The following ACTN2 variants were observed in gnomAD, a reference collection of about 807,000 sequenced individuals.
ACTN2 encodes actinin alpha 2.
ACTN2 carries 39 observed loss-of-function variants against 113.8 expected under a neutral mutation model. The ratio of observed to expected loss-of-function variants is 0.34; its 90% CI spans 0.27 to 0.45. The LOEUF is 0.45. Ranked by LOEUF, ACTN2 falls within the 20% of genes least tolerant of loss-of-function variation. The probability of loss-of-function intolerance (pLI) is 1.00; values close to 1 mark genes in which losing one functional copy is unlikely to be tolerated. For missense variants in ACTN2, 992 were observed against 1,177.9 expected, an observed-to-expected ratio of 0.84 and a Z score of 2.31; for synonymous variants, 429 against 444.1, an observed-to-expected ratio of 0.97 and a Z score of 0.43.
Position 236,731,344 on chromosome 1 carries a change from C to T in ACTN2, c.697+30C>T, listed in dbSNP as rs762058124. The T allele has an allele frequency of 3.8e-6, 6 of 1,583,430 alleles. No homozygotes were observed. In the South Asian group the frequency reaches 6.6e-5, roughly 18 times the overall value. ...GATGAAAATTGTGTTTGCTGAGTTA[C>T]AGGAAATTTGAAGACTACAAATGTT... On this transcript the variant is annotated intron_variant, in intron 7 of 20. Transcript: ENST00000366578.
intron 1 of ACTN2, among the ~76,000 whole-genome samples, chr1:236,715,274 A>T (rs1221153085): frequency 6.6e-6 from 1 of 150,546 alleles, no homozygotes; most frequent in Non-Finnish European, 1.5e-5. Context: ...GTCATTTAAC[A>T]TTAGGTATCT....
At position 236,715,294 on chromosome 1, in the gene ACTN2, C is replaced by A. The variant is rs12040610; in HGVS notation, c.127-2564C>A. Among the ~76,000 whole-genome samples the A allele has an allele frequency of 6.8e-5, 9 of 132,118 alleles. No homozygotes were observed. The East Asian group carries it at 1.6e-3, about 24-fold the overall frequency. 86.7% of individuals were successfully genotyped at this position (132,118 alleles called of 152,430 possible). On this transcript the variant is annotated intron_variant, in intron 1 of 20. Coordinates refer to ENST00000366578, the MANE Select transcript of ACTN2 (RefSeq NM_001103.4). ...TTAACATTAGGTATCTCTCCTAATC[C>A]TATCCCTCCCCCCTCCCCCCACCCT...
At chr1:236,709,220 GTATATATATATATATATATATATA>G (rs758619189) in intron 1 of ACTN2, among the ~76,000 whole-genome samples, 6 of 66,838 alleles carry the variant, frequency 9.0e-5, no homozygotes, top group Admixed American at 6.7e-4. Context: ...ACAAATGACT[GTATATATATATATATATATATATA>G]TATATATATA....
chr1:236,711,937 T>C (rs1256571881), intron 1 of ACTN2, among the ~76,000 whole-genome samples: 5 of 152,206 alleles, frequency 3.3e-5, no homozygotes, highest in African/African-American at 1.2e-4. Context: ...CTCTTTCTTC[T>C]GTGGTCTGTA....
At chr1:236,732,425 C>CTTATTTTTTAT (rs1553301575) in intron 7 of ACTN2, among the ~76,000 whole-genome samples, 2 of 145,688 alleles carry the variant, frequency 1.4e-5, no homozygotes, top group African/African-American at 5.1e-5. Context: ...TTTTCTTTTT[C>CTTATTTTTTAT]TTTTTATTTT....
At chr1:236,690,097 C>G (rs1666027190) in intron 1 of ACTN2, among the ~76,000 whole-genome samples, 1 of 152,200 alleles carries the variant, frequency 6.6e-6, no homozygotes, top group African/African-American at 2.4e-5. Context: ...TCAGATTCTT[C>G]TGTACTCTTC....
intron 4 of ACTN2, 136 bp downstream of exon 4, chr1:236,720,327 T>C: frequency 1.3e-6 from 1 of 744,292 alleles, no homozygotes; most frequent in Non-Finnish European, 2.4e-6. Context: ...TTCTTATAAA[T>C]TTTGTATGTG....
At chr1:236,752,291 G>T (rs760351643) in intron 15 of ACTN2, among the ~76,000 whole-genome samples, 1 of 152,128 alleles carries the variant, frequency 6.6e-6, no homozygotes, top group African/African-American at 2.4e-5. Context: ...AGTCCACCAC[G>T]TGGGTCTGAA....
chr1:236,743,199 T>G (rs1435517621), intron 11 of ACTN2, among the ~76,000 whole-genome samples, 156 bp downstream of exon 11: 1 of 152,204 alleles, frequency 6.6e-6, no homozygotes, highest in African/African-American at 2.4e-5. Flanking sequence ...CCAAATTTAT[T>G]TAAGAGGTAG....
chr1:236,701,431 T>G (rs1343834243), intron 1 of ACTN2, among the ~76,000 whole-genome samples: 1 of 152,190 alleles, frequency 6.6e-6, no homozygotes, highest in Non-Finnish European at 1.5e-5. Context: ...TTCATAAATC[T>G]TTTAGAAGAC....
Position 236,718,934 on chromosome 1 carries a change from C to A in ACTN2, c.282C>A (p.Phe94Leu). The change falls in exon 3 of 21, where the codon TTC (phenylalanine) becomes TTA (leucine). Residue 94 changes from phenylalanine to leucine, a missense_variant. Phe to Leu is a conservative substitution (Grantham distance 22). This residue lies in a region of ACTN2 where 220 missense variants were observed against 337.5 expected (regional missense o/e 0.65). Coordinates refer to ENST00000366578, the MANE Select transcript of ACTN2 (RefSeq NM_001103.4). ...AACCTGACCGGGGAAAAATGCGGTTCCACAAAATTGCTAATGTCAACAAAG... is the reference window on the plus strand; with the variant it reads ...AACCTGACCGGGGAAAAATGCGGTTACACAAAATTGCTAATGTCAACAAAG... ...LPKPDRGKMR[F>L]HKIANVNKAL... 1 of 1,614,168 alleles carries A rather than the reference C, an allele frequency of 6.2e-7. No homozygotes were observed. Among genetic ancestry groups the A allele is most frequent in the Admixed American group, 1.7e-5 (1 of 60,016 alleles).
intron 1 of ACTN2, among the ~76,000 whole-genome samples, chr1:236,709,344 GTATA>G (rs143270971): frequency 7.5e-6 from 1 of 133,888 alleles, no homozygotes; most frequent in Non-Finnish European, 1.6e-5. Context: ...ATATATACGT[GTATA>G]TATATATATA....
At chr1:236,757,894 T>C (rs1659595719) in intron 18 of ACTN2, among the ~76,000 whole-genome samples, 1 of 152,238 alleles carries the variant, frequency 6.6e-6, no homozygotes, top group African/African-American at 2.4e-5. Flanking sequence ...CAAAGCTGAT[T>C]TGTTCTAAGT....
chr1:236,726,817 C>T (rs183584418), intron 5 of ACTN2, among the ~76,000 whole-genome samples: 49 of 152,356 alleles, frequency 3.2e-4, no homozygotes, highest in African/African-American at 1.2e-3. Flanking sequence ...TTTGTCCCTA[C>T]ACCATGCTGT....
rs1356342788 is a variant in ACTN2 at position 236,763,809 on chromosome 1, A to G, written c.*1190A>G. The G allele has an allele frequency of 6.6e-6, 1 of 152,246 alleles. No individual in the cohort carries two copies. Among genetic ancestry groups the G allele is most frequent in the Admixed American group, 6.5e-5 (1 of 15,284 alleles). The allele number at this position is 152,246 out of a possible 1,614,324, so 9.4% of individuals were successfully genotyped here. ...GGCCTGCTCCATGACACAGGATGCTACATGCACTCCTGCTAGCACATCTTG... is the reference window on the plus strand; with the variant it reads ...GGCCTGCTCCATGACACAGGATGCTGCATGCACTCCTGCTAGCACATCTTG... On this transcript the variant is annotated 3_prime_UTR_variant, in exon 21 of 21. Transcript: ENST00000366578.
chr1:236,742,841 A>G (rs543282497), intron 10 of ACTN2, 55 bp from the exon 11 acceptor site: 1 of 1,609,322 alleles, frequency 6.2e-7, no homozygotes, highest in Admixed American at 1.7e-5. Context: ...AGAGGCCAGA[A>G]TGTAACGAAG....
chr1:236,724,074 C>T lies in ACTN2; in HGVS notation c.449-1859C>T, dbSNP rs560111632. Among the ~76,000 whole-genome samples, 52 of 152,082 alleles carry T rather than the reference C, an allele frequency of 3.4e-4. No homozygotes were observed. In the South Asian group the frequency reaches 6.0e-3, roughly 18 times the overall value. On this transcript the variant is annotated intron_variant, in intron 4 of 20. Coordinates refer to ENST00000366578, the MANE Select transcript of ACTN2 (RefSeq NM_001103.4). ...CTTAAACAGCCGACCTTTATTTTCTCACAGTTCTTGAGGCTGGAAGTCCAA... is the reference window on the plus strand; with the variant it reads ...CTTAAACAGCCGACCTTTATTTTCTTACAGTTCTTGAGGCTGGAAGTCCAA...
At chr1:236,753,799 C>A in intron 15 of ACTN2, 148 bp from the exon 16 acceptor site, 2 of 980,944 alleles carry the variant, frequency 2.0e-6, no homozygotes, top group South Asian at 1.3e-5. Context: ...TCCTCCCTAT[C>A]CTCCCTCTTC....
chr1:236,704,779 C>T (rs1240090427), intron 1 of ACTN2, among the ~76,000 whole-genome samples: 3 of 152,172 alleles, frequency 2.0e-5, no homozygotes, highest in African/African-American at 4.8e-5. Flanking sequence ...ACTCCATCCT[C>T]GTGGGCTTTT....
Sources: allele counts gnomAD v4.1 joint callset (sites outside exome capture counted in the v4.1 genomes callset), GRCh38; gene constraint gnomAD v4.1.1; regional missense constraint gnomAD v4.1.1; transcripts MANE v1.5; gene names NCBI Gene and HGNC (gene_info 2026-07-23, HGNC 2026-07-21).